Variants in SRPK2 observed in about 807,000 individuals in gnomAD.
The protein encoded by SRPK2 is SRSF protein kinase 2.
SRPK2 carries 21 observed loss-of-function variants against 90.8 expected under a neutral mutation model. The ratio of observed to expected loss-of-function variants is 0.23; its 90% CI spans 0.16 to 0.33. The LOEUF (loss-of-function observed/expected upper bound fraction) is 0.33. Among genes scored for constraint, SRPK2 ranks in the 10% least tolerant of loss-of-function variants. The pLI is 1.00. For missense variants in SRPK2, 620 were observed against 869.0 expected (o/e 0.71, Z 3.60); for synonymous variants, 288 against 311.1 (o/e 0.93, Z 0.78).
intron 2 of SRPK2, among the ~76,000 whole-genome samples, chr7:105,360,564 G>C (rs1415591006): frequency 6.6e-6 from 1 of 152,082 alleles, no homozygotes; most frequent in Admixed American, 6.6e-5. Context: ...AGGCAGGCCT[G>C]GTGGTGACAA....
intron 3 of SRPK2, among the ~76,000 whole-genome samples, chr7:105,193,620 C>CG (rs1242745022): frequency 1.3e-5 from 2 of 152,100 alleles, no homozygotes; most frequent in African/African-American, 4.8e-5. Flanking sequence ...AGACTGCTTT[C>CG]GGCAGTATGG....
At position 105,347,851 on chromosome 7, in the gene SRPK2, C is replaced by T. The variant is rs1487453350; in HGVS notation, c.71+40797G>A. Among the ~76,000 whole-genome samples the T allele has an allele frequency of 5.5e-5, 8 of 146,144 alleles. No individual in the cohort carries two copies. In the East Asian group the frequency reaches 1.6e-3, roughly 30 times the overall value. ...CAGCCTGGGTGACAGGGCGAGACTCCGTCTCAAAAAAAAAAAAAAAGAAAG... is the reference window on the plus strand; with the variant it reads ...CAGCCTGGGTGACAGGGCGAGACTCTGTCTCAAAAAAAAAAAAAAAGAAAG... On this transcript the variant is annotated intron_variant, in intron 2 of 15. Transcript: ENST00000393651.
chr7:105,218,700 TA>T (rs769426835), intron 2 of SRPK2, among the ~76,000 whole-genome samples: 1 of 152,232 alleles, frequency 6.6e-6, no homozygotes. Flanking sequence ...AACTAATTTT[TA>T]GTGAATTCTA....
chr7:105,204,956 T>G, intron 2 of SRPK2: 1 of 329,282 alleles, frequency 3.0e-6, no homozygotes, highest in Non-Finnish European at 5.8e-6. Context: ...TCTGGATCCT[T>G]TCTCTCCTCA....
In SRPK2 at chr7:105,302,046, T is replaced by A; in HGVS notation, c.71+86602A>T. 5.8e-6 allele frequency: 9 copies of A among 1,564,880 alleles called. 1 individual carries two copies. In the South Asian group the frequency reaches 8.9e-5, roughly 15 times the overall value. On this transcript the variant is annotated intron_variant, in intron 2 of 15. Coordinates refer to ENST00000393651, the MANE Select transcript of SRPK2 (RefSeq NM_182692.3). Reference sequence around the variant, plus strand: ...CGAGGCTGGAACTGGGTTGATGTTGTGAAGCATTTAAGCAAAACTGGCTCT... The same window carrying A: ...CGAGGCTGGAACTGGGTTGATGTTGAGAAGCATTTAAGCAAAACTGGCTCT...
intron 3 of SRPK2, among the ~76,000 whole-genome samples, chr7:105,171,137 A>T (rs1176056072): frequency 6.6e-6 from 1 of 152,038 alleles, no homozygotes; most frequent in Non-Finnish European, 1.5e-5. Context: ...AGGGCACCCT[A>T]TTAAGGTAGA....
chr7:105,305,519 T>G lies in SRPK2; in HGVS notation c.71+83129A>C, dbSNP rs142022650. ...AGGAAATTGTAGAGAAATAACTTTATTTAAATGCATCTGACAGATAAATCT... is the reference window on the plus strand; with the variant it reads ...AGGAAATTGTAGAGAAATAACTTTAGTTAAATGCATCTGACAGATAAATCT... On this transcript the variant is annotated intron_variant, in intron 2 of 15. Coordinates refer to ENST00000393651, the MANE Select transcript of SRPK2 (RefSeq NM_182692.3). Among the ~76,000 whole-genome samples the G allele has an allele frequency of 2.3e-3, 346 of 152,336 alleles. 1 individual carries two copies. Among genetic ancestry groups the G allele is most frequent in the African/African-American group, 8.0e-3 (333 of 41,572 alleles).
intron 15 of SRPK2, among the ~76,000 whole-genome samples, chr7:105,125,173 C>A (rs929636538): frequency 2.0e-5 from 3 of 148,164 alleles, no homozygotes; most frequent in Non-Finnish European, 4.5e-5. Context: ...AGAAGGAGTT[C>A]TTTTAAAAAT....
downstream of SRPK2, among the ~76,000 whole-genome samples, chr7:105,115,953 C>T (rs1799596851): frequency 6.6e-6 from 1 of 152,130 alleles, no homozygotes; most frequent in South Asian, 2.1e-4. Flanking sequence ...CCTACAGCCT[C>T]ATTAGAAAAA....
chr7:105,362,075 T>C (rs776008896), intron 2 of SRPK2, among the ~76,000 whole-genome samples: 1 of 152,056 alleles, frequency 6.6e-6, no homozygotes, highest in Non-Finnish European at 1.5e-5. Flanking sequence ...AATCTACCTA[T>C]CTGACAAAGG....
intron 2 of SRPK2, chr7:105,301,673 C>A: frequency 6.2e-7 from 1 of 1,611,400 alleles, no homozygotes; most frequent in Non-Finnish European, 8.5e-7. Context: ...ATTTCCTGGA[C>A]AGAAACATAT....
intron 2 of SRPK2, among the ~76,000 whole-genome samples, chr7:105,297,737 ATTTTTT>A (rs202204947): frequency 1.6e-4 from 19 of 120,118 alleles, no homozygotes; most frequent in Non-Finnish European, 1.9e-4. Context: ...TAAGCTGTAA[ATTTTTT>A]TTTTTTTTTT....
chr7:105,307,750 T>A (rs1038339106), intron 2 of SRPK2, among the ~76,000 whole-genome samples: 5 of 152,244 alleles, frequency 3.3e-5, no homozygotes, highest in African/African-American at 1.2e-4. Flanking sequence ...CATTTTTGAA[T>A]TTCCTAAGTT....
At chr7:105,175,633 G>A (rs912495067) in intron 3 of SRPK2, among the ~76,000 whole-genome samples, 3 of 152,138 alleles carry the variant, frequency 2.0e-5, no homozygotes, top group Non-Finnish European at 2.9e-5. Flanking sequence ...GGGCCAGGCA[G>A]ATTGGGCAGT....
intron 2 of SRPK2, among the ~76,000 whole-genome samples, chr7:105,364,151 T>C (rs768411102): frequency 6.6e-6 from 1 of 152,016 alleles, no homozygotes; most frequent in Non-Finnish European, 1.5e-5. Context: ...ACCTGCATGC[T>C]GTGCACATGT....
chr7:105,244,603 C>A, intron 2 of SRPK2: 1 of 654,928 alleles, frequency 1.5e-6, no homozygotes, highest in Non-Finnish European at 2.7e-6. Flanking sequence ...CAGAGTTCCA[C>A]GCGGCGCCAG....
chr7:105,173,497 C>G (rs1791419995), intron 3 of SRPK2, among the ~76,000 whole-genome samples: 2 of 152,140 alleles, frequency 1.3e-5, no homozygotes, highest in East Asian at 3.9e-4. Flanking sequence ...GAAGAGTGGT[C>G]TCTGTCCCCG....
intron 2 of SRPK2, among the ~76,000 whole-genome samples, chr7:105,210,259 G>A (rs1796690945): frequency 6.6e-6 from 1 of 152,100 alleles, no homozygotes; most frequent in South Asian, 2.1e-4. Flanking sequence ...CAAACATAAA[G>A]AAAAGGAGCT....
intron 2 of SRPK2, among the ~76,000 whole-genome samples, chr7:105,381,244 G>GA (rs879733094): frequency 1.6e-3 from 218 of 133,198 alleles, no homozygotes; most frequent in Middle Eastern, 7.9e-3. Context: ...ACTGCCTCAA[G>GA]AAAAAAAAAA....
Sources: gnomAD v4.1 joint callset for allele counts (sites outside exome capture counted in the v4.1 genomes callset) on GRCh38, gnomAD v4.1.1 for gene constraint, MANE v1.5 for transcripts, NCBI Gene and HGNC (gene_info 2026-07-23, HGNC 2026-07-21) for gene names.